The following FCHO2 variants were observed in gnomAD, a reference collection of about 807,000 sequenced individuals.
FCHO2 encodes the protein FCH and mu domain containing endocytic adaptor 2, also known as F-BAR domain only protein 2.
Under a neutral mutation model 114.1 loss-of-function variants are expected in FCHO2, and 43 were observed. That is an observed-to-expected ratio of 0.38 (90% CI 0.30 to 0.49). FCHO2 has a LOEUF of 0.49. Ranked by LOEUF, FCHO2 falls within the 20% of genes least tolerant of loss-of-function variation. The pLI, the probability that FCHO2 is intolerant of heterozygous loss-of-function variation, is 0.97. For missense variants in FCHO2, 807 were observed against 950.4 expected (o/e 0.85, Z 1.98); for synonymous variants, 293 against 315.2 (o/e 0.93, Z 0.75).
chr5:72,987,123 G>A (rs1408614200), intron 2 of FCHO2, among the ~76,000 whole-genome samples: 1 of 151,918 alleles, frequency 6.6e-6, no homozygotes, highest in Non-Finnish European at 1.5e-5. Context: ...TGATCCACCT[G>A]CCTCAGCCTC....
chr5:72,990,639 TA>T lies in FCHO2; in HGVS notation c.342+23del. The T allele has an allele frequency of 6.5e-7, 1 of 1,527,854 alleles. No individual in the cohort carries two copies. Among genetic ancestry groups the T allele is most frequent in the Non-Finnish European group, 8.8e-7 (1 of 1,142,118 alleles). The allele number at this position is 1,527,854 out of a possible 1,614,324, so 94.6% of individuals were successfully genotyped here. ...AAAAAGGTATCAGTTTTTTTCTTGT[TA>T]AATAATTGATTGGTCAGATATTGAA... On this transcript the variant is annotated intron_variant, in intron 4 of 25. Coordinates refer to ENST00000430046, the MANE Select transcript of FCHO2 (RefSeq NM_138782.3).
chr5:72,996,110 G>T (rs935401280), intron 5 of FCHO2, among the ~76,000 whole-genome samples: 3 of 152,070 alleles, frequency 2.0e-5, no homozygotes, highest in Non-Finnish European at 4.4e-5. Context: ...GGGCGTGGTA[G>T]CGGGCGCTTG....
At position 72,983,931 on chromosome 5, in the gene FCHO2, C is replaced by T. The variant is rs1403589349; in HGVS notation, c.126-5496C>T. 1.1e-4 allele frequency among the ~76,000 whole-genome samples: 17 copies of T among 151,826 alleles called. No individual in the cohort carries two copies. In the South Asian group the frequency reaches 1.9e-3, roughly 17 times the overall value. On this transcript the variant is annotated intron_variant, in intron 2 of 25. Coordinates refer to ENST00000430046, the MANE Select transcript of FCHO2 (RefSeq NM_138782.3). Reference sequence around the variant, plus strand: ...TAGAATTGTGAGGCCATAAGGTATACGTGTGTTCAACTCGAGTGACTAATA... The same window carrying T: ...TAGAATTGTGAGGCCATAAGGTATATGTGTGTTCAACTCGAGTGACTAATA...
intron 24 of FCHO2, among the ~76,000 whole-genome samples, chr5:73,085,393 C>T (rs1743263979): frequency 6.6e-6 from 1 of 152,130 alleles, no homozygotes; most frequent in Non-Finnish European, 1.5e-5. Flanking sequence ...TTAAGTTTCC[C>T]TCTGCTATTC....
rs1279564007 is a variant in FCHO2, at chr5:72,990,722, A to G, written c.353A>G (p.Glu118Gly). The G allele has an allele frequency of 1.9e-6, 3 of 1,555,142 alleles. No individual in the cohort carries two copies. The highest frequency in any genetic ancestry group is 2.6e-6 in the Non-Finnish European group (3 of 1,150,236). ...QVKSHKKTKE[E>G]VAGTLEAVQT... ...TTTCATACTAAACAGACTAAAGAAG[A>G]AGTTGCAGGAACTCTGGAAGCTGTC... is the stretch of plus-strand genomic sequence containing the variant. Residue 118 changes from glutamate (E) to glycine (G), a missense_variant, in exon 5 of 26, where the codon GAA (glutamate) becomes GGA (glycine). Transcript: ENST00000430046.
intron 8 of FCHO2, among the ~76,000 whole-genome samples, chr5:73,020,104 A>G (rs1364486871): frequency 2.0e-5 from 3 of 152,232 alleles, no homozygotes; most frequent in Non-Finnish European, 4.4e-5. Flanking sequence ...GGCCCATTTA[A>G]TAATGAAGGT....
chr5:73,037,670 G>A (rs1756588130), intron 10 of FCHO2: 1 of 300,178 alleles, frequency 3.3e-6, no homozygotes, highest in African/African-American at 2.3e-5. Context: ...TGTTAAATAG[G>A]GGAGAGAAAA....
intron 10 of FCHO2, among the ~76,000 whole-genome samples, chr5:73,041,032 A>G (rs1157069508): frequency 6.6e-6 from 1 of 152,248 alleles, no homozygotes; most frequent in South Asian, 2.1e-4. Context: ...CTCTCAAAGC[A>G]TAATGTAAGC....
intron 18 of FCHO2, among the ~76,000 whole-genome samples, chr5:73,066,873 A>T (rs553128269): frequency 6.6e-6 from 1 of 152,142 alleles, no homozygotes; most frequent in Non-Finnish European, 1.5e-5. Context: ...GATGCCTGCT[A>T]ATGTTTCAGA....
intron 11 of FCHO2, among the ~76,000 whole-genome samples, chr5:73,043,548 T>C (rs1352537736): frequency 6.6e-6 from 1 of 152,098 alleles, no homozygotes; most frequent in East Asian, 1.9e-4. Flanking sequence ...TAAATAGATA[T>C]TTATTTCAAC....
chr5:73,015,503 TCCA>T (rs1755261419), intron 6 of FCHO2, 120 bp from the exon 7 acceptor site: 1 of 511,990 alleles, frequency 2.0e-6, no homozygotes, highest in South Asian at 2.9e-5. Context: ...CCTCAAGTGA[TCCA>T]CCTGCCTCAG....
At chr5:73,026,228 A>G (rs1410159131) in intron 8 of FCHO2, among the ~76,000 whole-genome samples, 2 of 152,182 alleles carry the variant, frequency 1.3e-5, no homozygotes, top group African/African-American at 2.4e-5. Context: ...TGGGAGGCCA[A>G]GGTGGGTGGA....
chr5:72,987,754 A>G (rs1348155268), intron 2 of FCHO2, among the ~76,000 whole-genome samples: 3 of 152,232 alleles, frequency 2.0e-5, no homozygotes, highest in Non-Finnish European at 4.4e-5. Context: ...TCTTGTAGTA[A>G]TAGTATTTTA....
intron 8 of FCHO2, among the ~76,000 whole-genome samples, chr5:73,018,347 A>G (rs1755419705): frequency 6.6e-6 from 1 of 152,160 alleles, no homozygotes; most frequent in Non-Finnish European, 1.5e-5. Flanking sequence ...TTTCTTCTCC[A>G]ATCTATTTTA....
intron 24 of FCHO2, among the ~76,000 whole-genome samples, chr5:73,086,851 T>C (rs1743329312): frequency 6.6e-6 from 1 of 152,208 alleles, no homozygotes; most frequent in Non-Finnish European, 1.5e-5. Context: ...CTGATATAGA[T>C]GCTATTTCGT....
intron 11 of FCHO2, among the ~76,000 whole-genome samples, chr5:73,043,687 A>C (rs1756920107): frequency 6.6e-6 from 1 of 152,128 alleles, no homozygotes; most frequent in African/African-American, 2.4e-5. Context: ...TATGGAAAGA[A>C]CTTAATAAAA....
Position 73,036,331 on chromosome 5 carries a change from AACTT to A in FCHO2, c.842-807_842-804del, listed in dbSNP as rs1756506703. ...ATGGACACAAGAATGCCATATTGTA[AACTT>A]ACTTCTTTTTTGTTTTTTTGTTTTT... On this transcript the variant is annotated intron_variant, in intron 9 of 25. Coordinates refer to ENST00000430046, the MANE Select transcript of FCHO2 (RefSeq NM_138782.3). Among the ~76,000 whole-genome samples, 3 of 152,090 alleles carry A rather than the reference AACTT, an allele frequency of 2.0e-5. No homozygotes were observed. In the South Asian group the frequency reaches 6.2e-4, roughly 32 times the overall value.
At chr5:73,071,895 T>C (rs1742675482) in intron 19 of FCHO2, among the ~76,000 whole-genome samples, 1 of 152,066 alleles carries the variant, frequency 6.6e-6, no homozygotes, top group African/African-American at 2.4e-5. Context: ...CAGAGTCGTG[T>C]TATGTGCCCA....
chr5:73,048,337 C>T (rs1486074121), intron 11 of FCHO2, among the ~76,000 whole-genome samples: 1 of 151,932 alleles, frequency 6.6e-6, no homozygotes. Flanking sequence ...GTAATCCCAG[C>T]TGTTAGGGAG....
Sources: gnomAD v4.1 joint callset for allele counts (sites outside exome capture counted in the v4.1 genomes callset) on GRCh38, gnomAD v4.1.1 for gene constraint, MANE v1.5 for transcripts, NCBI Gene and HGNC (gene_info 2026-07-23, HGNC 2026-07-21) for gene names.